Variants in ZC3H4 observed in about 807,000 individuals in gnomAD.
ZC3H4 encodes zinc finger CCCH domain-containing protein 4.
In ZC3H4, 13 loss-of-function variants were observed where a neutral mutation model predicts 108.3. The observed-to-expected ratio is 0.12, with a 90% confidence interval of 0.08 to 0.19. The LOEUF (loss-of-function observed/expected upper bound fraction) is 0.19. Among genes scored for constraint, ZC3H4 ranks in the 10% least tolerant of loss-of-function variants. ZC3H4 has a pLI of 1.00. For synonymous variants in ZC3H4, 917 were observed against 749.6 expected, an observed-to-expected ratio of 1.22 and a Z score of -3.65; for missense variants, 1,734 against 1,838.8, an observed-to-expected ratio of 0.94 and a Z score of 1.04.
chr19:47,068,964 T>C lies in ZC3H4; in HGVS notation c.2398+128A>G, dbSNP rs895158126. On this transcript the variant is annotated intron_variant, in intron 14 of 14. Transcript: ENST00000253048. ...CAGCCCCAGCCCGGCTTCATGGCCC[T>C]GGACAGGGGTCCTCCCTAGCCATGG... 4.6e-6 allele frequency: 7 copies of C among 1,529,166 alleles called. No homozygotes were observed. In the African/African-American group the frequency reaches 8.3e-5, roughly 18 times the overall value. 94.7% of individuals were successfully genotyped at this position (1,529,166 alleles called of 1,614,324 possible). A position where few individuals can be genotyped will look rare whatever the true frequency, so the allele number is the denominator to read the frequency against.
In ZC3H4 at chr19:47,093,337, G is replaced by A. The variant is rs189439854; in HGVS notation, c.492+633C>T. On this transcript the variant is annotated intron_variant, in intron 4 of 14. Coordinates refer to ENST00000253048, the MANE Select transcript of ZC3H4 (RefSeq NM_015168.2). ...GCTGCTTGAAATGAGAGCGACAGTGGCTGAGTATCTAACCTCTGCCTACTG... is the reference window on the plus strand; with the variant it reads ...GCTGCTTGAAATGAGAGCGACAGTGACTGAGTATCTAACCTCTGCCTACTG... 2.0e-4 allele frequency among the ~76,000 whole-genome samples: 31 copies of A among 152,232 alleles called. No individual in the cohort carries two copies. In the East Asian group the frequency reaches 5.4e-3, roughly 26 times the overall value.
At chr19:47,090,289 G>T in intron 4 of ZC3H4, 100 bp from the exon 5 acceptor site, 3 of 1,307,302 alleles carry the variant, frequency 2.3e-6, no homozygotes, top group Non-Finnish European at 2.1e-6. Flanking sequence ...ATGTCTGTCT[G>T]GGTGTCACTA....
chr19:47,085,956 C>T lies in ZC3H4; in HGVS notation c.870+428G>A, dbSNP rs138118687. Among the ~76,000 whole-genome samples, 75 of 152,204 alleles carry T rather than the reference C, an allele frequency of 4.9e-4. 2 individuals carry two copies. The East Asian group carries it at 0.014, about 29-fold the overall frequency. ...TCGGCTCACTGCAACCTCCACCTCC[C>T]GGGTTCAAGTGATTCTCCTGCCTCA... On this transcript the variant is annotated intron_variant, in intron 6 of 14. Transcript: ENST00000253048.
At chr19:47,069,479 C>CTGAGACCTGGGG in intron 13 of ZC3H4, 136 bp from the exon 14 acceptor site, 1 of 1,169,662 alleles carries the variant, frequency 8.5e-7, no homozygotes, top group Non-Finnish European at 1.2e-6. Flanking sequence ...CTGCCCTCCC[C>CTGAGACCTGGGG]AGGTCTCAGG....
In ZC3H4 at chr19:47,100,545, G is replaced by C. The variant is rs1372252397; in HGVS notation, c.162-5937C>G. Among the ~76,000 whole-genome samples, 3 of 151,758 alleles carry C rather than the reference G, an allele frequency of 2.0e-5. No homozygotes were observed. The East Asian group carries it at 5.8e-4, about 29-fold the overall frequency. The stretch of plus-strand genomic sequence containing the variant: ...TACACCCTCACTTCAACATAAGACA[G>C]TCTACCCACTGCTGGCATCTAGATA... On this transcript the variant is annotated intron_variant, in intron 2 of 14. Coordinates refer to ENST00000253048, the MANE Select transcript of ZC3H4 (RefSeq NM_015168.2).
intron 1 of ZC3H4, chr19:47,113,395 G>A (rs1343872234): frequency 1.3e-5 from 2 of 152,684 alleles, no homozygotes; most frequent in Admixed American, 6.5e-5. Flanking sequence ...GAGAAACCTA[G>A]GGGAGCCATA....
At chr19:47,084,102 T>C (rs1027318552) in intron 9 of ZC3H4, among the ~76,000 whole-genome samples, 4 of 152,154 alleles carry the variant, frequency 2.6e-5, no homozygotes, top group Non-Finnish European at 4.4e-5. Flanking sequence ...GTTGAAAATT[T>C]TGGCCAAAAA....
At chr19:47,112,121 C>A in intron 2 of ZC3H4, 3 of 1,068,838 alleles carry the variant, frequency 2.8e-6, no homozygotes, top group Non-Finnish European at 2.3e-6. Context: ...CGGACGGGCG[C>A]GGGGGGTCCG....
intron 2 of ZC3H4, chr19:47,096,776 C>A: frequency 1.0e-6 from 1 of 984,522 alleles, no homozygotes; most frequent in Non-Finnish European, 1.2e-6. Flanking sequence ...ATTTTAAATG[C>A]CATATCTGTG....
chr19:47,070,445 G>A (rs1215104495), intron 13 of ZC3H4, among the ~76,000 whole-genome samples: 1 of 152,128 alleles, frequency 6.6e-6, no homozygotes, highest in Non-Finnish European at 1.5e-5. Context: ...GACCATACAT[G>A]TTAGAGGGAG....
In ZC3H4 at chr19:47,072,074, T is replaced by A. The variant is rs767576125; in HGVS notation, c.1850A>T (p.Asn617Ile). ...GCCCATTGGCCCTGGGGGTCCCATGTTGGGCCCAGGGCCCATTGGCCCTGG... is the reference window on the plus strand; with the variant it reads ...GCCCATTGGCCCTGGGGGTCCCATGATGGGCCCAGGGCCCATTGGCCCTGG... ...GPPGPMGPGP[N>I]MGPPGPMGGP... The change falls in exon 13 of 15, where the codon AAC (asparagine) becomes ATC (isoleucine). Residue 617 changes from asparagine to isoleucine, a missense_variant. Asn to Ile is a moderately radical substitution (Grantham distance 149, BLOSUM62 -3). This residue lies in a region of ZC3H4 where 540 missense variants were observed against 484.1 expected (regional missense o/e 1.12). Transcript: ENST00000253048. The surrounding 1 kb of genome is among the most constrained non-coding windows in gnomAD (Gnocchi z 5.6). 6.3e-7 allele frequency: 1 copy of A among 1,578,678 alleles called. No homozygotes were observed. Among genetic ancestry groups the A allele is most frequent in the Non-Finnish European group, 8.6e-7 (1 of 1,162,844 alleles).
At chr19:47,109,656 G>A (rs1173608696) in intron 2 of ZC3H4, among the ~76,000 whole-genome samples, 2 of 152,084 alleles carry the variant, frequency 1.3e-5, no homozygotes, top group Admixed American at 6.6e-5. Context: ...ACCACTCTAC[G>A]GCAGTTGTGA....
chr19:47,069,472 C>T (rs1477481792), intron 13 of ZC3H4, 129 bp from the exon 14 acceptor site: 3 of 1,237,858 alleles, frequency 2.4e-6, no homozygotes, highest in Non-Finnish European at 3.3e-6. Flanking sequence ...CCCCTGCCTG[C>T]CCTCCCCAGG....
Position 47,072,247 on chromosome 19 carries a change from G to A in ZC3H4, c.1802+105C>T. ...CCCAGACCAGGACTCCCACAGCTGG[G>A]GAGAGAGGCAGGACTCTCCCACAGC... On this transcript the variant is annotated intron_variant, in intron 12 of 14. Coordinates refer to ENST00000253048, the MANE Select transcript of ZC3H4 (RefSeq NM_015168.2). This position sits in a 1 kb window ranked among gnomAD's most constrained non-coding sequence, Gnocchi z 5.6. 7.1e-7 allele frequency: 1 copy of A among 1,413,212 alleles called. No homozygotes were observed. The highest frequency in any genetic ancestry group is 1.4e-5 in the African/African-American group (1 of 69,496). The allele number at this position is 1,413,212 out of a possible 1,614,324, so 87.5% of individuals were successfully genotyped here. A position where few individuals can be genotyped will look rare whatever the true frequency, so the allele number is the denominator to read the frequency against.
chr19:47,098,198 CTT>C (rs2057853198), intron 2 of ZC3H4, among the ~76,000 whole-genome samples: 2 of 152,198 alleles, frequency 1.3e-5, no homozygotes, highest in African/African-American at 4.8e-5. Context: ...AAAAACAGTG[CTT>C]GGTAAAGACA....
chr19:47,111,941 CTGT>C (rs940051934), intron 2 of ZC3H4, among the ~76,000 whole-genome samples: 1 of 152,156 alleles, frequency 6.6e-6, no homozygotes, highest in Non-Finnish European at 1.5e-5. Flanking sequence ...AAGAGCGGGG[CTGT>C]TGTTCGAGAT....
At chr19:47,069,068 C>G in intron 14 of ZC3H4, 24 bp downstream of exon 14, 1 of 1,601,530 alleles carries the variant, frequency 6.2e-7, no homozygotes, top group Non-Finnish European at 8.5e-7. Flanking sequence ...GGCCTGTGCC[C>G]CGGCCCCTGG....
At position 47,072,231 on chromosome 19, in the gene ZC3H4, G is replaced by C. The variant is rs2057343247; in HGVS notation, c.1803-110C>G. 8 of 1,392,816 alleles carry C rather than the reference G, an allele frequency of 5.7e-6. No homozygotes were observed. The allele number at this position is 1,392,816 out of a possible 1,614,324, so 86.3% of individuals were successfully genotyped here. ...GCCGAAGGTCATGGGCCCCAGACCA[G>C]GACTCCCACAGCTGGGGAGAGAGGC... On this transcript the variant is annotated intron_variant, in intron 12 of 14. Transcript: ENST00000253048. The surrounding 1 kb of genome is among the most constrained non-coding windows in gnomAD (Gnocchi z 5.6).
At chr19:47,092,843 T>C (rs897058607) in intron 4 of ZC3H4, among the ~76,000 whole-genome samples, 4 of 150,294 alleles carry the variant, frequency 2.7e-5, no homozygotes, top group Non-Finnish European at 4.4e-5. Context: ...AATAAATAAA[T>C]AAATAAACAA....
Sources: allele counts gnomAD v4.1 joint callset (sites outside exome capture counted in the v4.1 genomes callset), GRCh38; gene constraint gnomAD v4.1.1; regional missense constraint gnomAD v4.1.1; non-coding constraint Gnocchi (gnomAD v3.1); transcripts MANE v1.5; gene names NCBI Gene and HGNC (gene_info 2026-07-23, HGNC 2026-07-21).